Variants in CSPG4 observed in about 807,000 individuals in gnomAD.
CSPG4 encodes the protein chondroitin sulfate proteoglycan 4.
A neutral mutation model predicts 139.3 loss-of-function variants in CSPG4; 74 were observed. The ratio of observed to expected loss-of-function variants is 0.53; its 90% CI spans 0.44 to 0.64. The LOEUF (loss-of-function observed/expected upper bound fraction) is 0.64, where lower values mean the gene tolerates loss of function less well. Among genes scored for constraint, CSPG4 ranks in the 30% least tolerant of loss-of-function variants. The pLI, the probability that CSPG4 is intolerant of heterozygous loss-of-function variation, is 0.00. For synonymous variants in CSPG4, 1,234 were observed against 1,394.2 expected, an observed-to-expected ratio of 0.89 and a Z score of 2.56; for missense variants, 2,565 against 3,148.3, an observed-to-expected ratio of 0.81 and a Z score of 4.43.
chr15:75,682,483 C>G (rs766171318), intron 7 of CSPG4, 24 bp from the exon 8 acceptor site: 14 of 1,570,560 alleles, frequency 8.9e-6, no homozygotes, highest in African/African-American at 1.3e-5. Flanking sequence ...AAGGGGATAT[C>G]AGATTTTGAC....
intron 8 of CSPG4, among the ~76,000 whole-genome samples, chr15:75,681,296 T>G (rs898074705): frequency 1.3e-5 from 2 of 152,172 alleles, no homozygotes; most frequent in Non-Finnish European, 2.9e-5. Flanking sequence ...CCTTTGCACT[T>G]GCTGAATACC....
At chr15:75,700,402 G>A (rs1402491127) in intron 1 of CSPG4, among the ~76,000 whole-genome samples, 3 of 152,200 alleles carry the variant, frequency 2.0e-5, no homozygotes, top group African/African-American at 7.2e-5. Context: ...GGACAGCGAG[G>A]AGGGGAGGGA....
In CSPG4 at chr15:75,675,561, A is replaced by T; in HGVS notation, c.6958T>A (p.Tyr2320Asn). The change falls in exon 10 of 10, where the codon TAC becomes AAC. Residue 2320 changes from tyrosine to asparagine, a missense_variant. By Grantham distance (143) the Tyr-to-Asn change is moderately radical. Coordinates refer to ENST00000308508, the MANE Select transcript of CSPG4 (RefSeq NM_001897.5). Reference sequence around the variant, plus strand: ...GCCCAGGCCAGGCCTCACACCCAGTACTGGCCATTCTTAAGGGCAGGGTTG... The same window carrying T: ...GCCCAGGCCAGGCCTCACACCCAGTTCTGGCCATTCTTAAGGGCAGGGTTG... ...TPNPALKNGQ[Y>N]WV 1 of 1,507,100 alleles carries T rather than the reference A, an allele frequency of 6.6e-7. No homozygotes were observed. Among genetic ancestry groups the T allele is most frequent in the Non-Finnish European group, 8.9e-7 (1 of 1,127,960 alleles). The allele number at this position is 1,507,100 out of a possible 1,614,324, so 93.4% of individuals were successfully genotyped here.
At position 75,690,674 on chromosome 15, in the gene CSPG4, C is replaced by G. The variant is rs373007177; in HGVS notation, c.391G>C (p.Ala131Pro). ...ATLSVDGFLN[A>P]SSAVPGAPLE... Reference sequence around the variant, plus strand: ...GGGGCTCCTGGGACTGCTGAGGAGGCGTTCAGAAACCCATCGACTGACAAC... The same window carrying G: ...GGGGCTCCTGGGACTGCTGAGGAGGGGTTCAGAAACCCATCGACTGACAAC... The change falls in exon 3 of 10, where the codon GCC becomes CCC. Residue 131 changes from alanine (A) to proline (P), a missense_variant. Around this residue, in one of 5 missense-constraint regions of CSPG4, gnomAD observed 132 missense variants for 132.3 expected, o/e 1.00. Coordinates refer to ENST00000308508, the MANE Select transcript of CSPG4 (RefSeq NM_001897.5). 6.2e-7 allele frequency: 1 copy of G among 1,612,686 alleles called. No individual in the cohort carries two copies. Among genetic ancestry groups the G allele is most frequent in the Non-Finnish European group, 8.5e-7 (1 of 1,180,022 alleles).
intron 1 of CSPG4, among the ~76,000 whole-genome samples, chr15:75,705,709 C>T (rs1271021995): frequency 3.9e-5 from 6 of 152,140 alleles, no homozygotes; most frequent in Non-Finnish European, 8.8e-5. Context: ...GCTCAGGACT[C>T]AGAGGAGGGA....
Position 75,696,159 on chromosome 15 carries a change from T to C in CSPG4, c.89-2926A>G, listed in dbSNP as rs1267385538. ...TTCAGGCCTCAGTGTCACCATTCTG[T>C]AAAATGGGCACAGTCCCTCCCACCC... is the stretch of plus-strand genomic sequence containing the variant. On this transcript the variant is annotated intron_variant, in intron 1 of 9. Coordinates refer to ENST00000308508, the MANE Select transcript of CSPG4 (RefSeq NM_001897.5). This position sits in a 1 kb window ranked among gnomAD's most constrained non-coding sequence, Gnocchi z 4.2. 5.3e-5 allele frequency among the ~76,000 whole-genome samples: 8 copies of C among 152,046 alleles called. No homozygotes were observed. Among genetic ancestry groups the C allele is most frequent in the African/African-American group, 1.9e-4 (8 of 41,392 alleles).
Position 75,674,404 on chromosome 15 carries a change from G to A in CSPG4, c.*1146C>T, listed in dbSNP as rs1369417165. The A allele has an allele frequency of 1.0e-5, 3 of 294,240 alleles. No individual in the cohort carries two copies. 18.2% of individuals were successfully genotyped at this position (294,240 alleles called of 1,614,324 possible). ...AGCCTTTCTCTACTGAACTGAAGGG[G>A]TTTGGTCCCATCACCCGAAGACTGG... On this transcript the variant is annotated 3_prime_UTR_variant, in exon 10 of 10. Transcript: ENST00000308508.
chr15:75,712,912 C>T (rs566829130), upstream of CSPG4: 3 of 578,416 alleles, frequency 5.2e-6, no homozygotes, highest in Non-Finnish European at 8.7e-6. Flanking sequence ...CCCGCGCGCC[C>T]GCTCGGGTTT....
intron 1 of CSPG4, among the ~76,000 whole-genome samples, chr15:75,709,822 C>G (rs1045709597): frequency 6.6e-6 from 1 of 152,112 alleles, no homozygotes; most frequent in Non-Finnish European, 1.5e-5. Context: ...AGGCGGGCAG[C>G]ACTAAAAGGC....
At position 75,693,126 on chromosome 15, in the gene CSPG4, G is replaced by A. The variant is rs1033337868; in HGVS notation, c.196C>T (p.Leu66=). The A allele has an allele frequency of 6.4e-7, 1 of 1,574,406 alleles. No individual in the cohort carries two copies. The highest frequency in any genetic ancestry group is 1.3e-5 in the African/African-American group (1 of 74,504). The change falls in exon 2 of 10, where the codon CTG becomes TTG. Residue 66 remains leucine, a synonymous_variant. Transcript: ENST00000308508. The stretch of plus-strand genomic sequence containing the variant: ...AGGTGGTCAGCTGGGCCTGCTGCCA[G>A]GAGAAGGAGGGCTTCGGGCTGGGAC... ...STSQPEALLL[L]AAGPADHLLL...
chr15:75,706,753 G>T (rs1566978380), intron 1 of CSPG4, among the ~76,000 whole-genome samples: 1 of 152,242 alleles, frequency 6.6e-6, no homozygotes, highest in East Asian at 1.9e-4. Flanking sequence ...TTATCTGATG[G>T]CCTAGTTCTA....
In CSPG4 at chr15:75,690,210, A is replaced by G. The variant is rs1177780720; in HGVS notation, c.855T>C (p.His285=). The G allele has an allele frequency of 1.2e-6, 2 of 1,613,352 alleles. No homozygotes were observed. Among genetic ancestry groups the G allele is most frequent in the East Asian group, 2.2e-5 (1 of 44,876 alleles). The change falls in exon 3 of 10, where the codon CAT becomes CAC. Residue 285 remains histidine (H), a synonymous_variant. Transcript: ENST00000308508. The stretch of plus-strand genomic sequence containing the variant: ...GAGCATTGATGTGGACACTGACCTC[A>G]TGGGGCTGCCCATCGGCCACAGGCA... ...NSVPVADGQP[H]EVSVHINAHR... is the part of the protein sequence containing the mutation.
intron 8 of CSPG4, among the ~76,000 whole-genome samples, 167 bp downstream of exon 8, chr15:75,682,126 T>A (rs1893981825): frequency 6.6e-6 from 1 of 152,246 alleles, no homozygotes; most frequent in African/African-American, 2.4e-5. Flanking sequence ...CCTGCCAGCC[T>A]GGCGGCTCCT....
At chr15:75,679,174 G>C in intron 8 of CSPG4, 1 of 184,730 alleles carries the variant, frequency 5.4e-6, no homozygotes. Flanking sequence ...TACCTCTGCC[G>C]ATATCTAATA....
In CSPG4 at chr15:75,690,377, G is replaced by T; in HGVS notation, c.688C>A (p.Leu230Ile). 6.2e-7 allele frequency: 1 copy of T among 1,611,196 alleles called. No homozygotes were observed. Among genetic ancestry groups the T allele is most frequent in the East Asian group, 2.2e-5 (1 of 44,856 alleles). ...TQDEGTLEFT[L>I]TTQSRQAPLA... ...GGTGCCTGCCGGCTCTGTGTGGTGA[G>T]TGTAAACTCTAGGGTTCCTTCGTCC... The change falls in exon 3 of 10, where the codon CTC (leucine) becomes ATC (isoleucine). Residue 230 changes from leucine to isoleucine, a missense_variant. Leu to Ile is a conservative substitution (Grantham distance 5). Around this residue, in one of 5 missense-constraint regions of CSPG4, gnomAD observed 40 missense variants for 89.0 expected, o/e 0.45. Coordinates refer to ENST00000308508, the MANE Select transcript of CSPG4 (RefSeq NM_001897.5).
chr15:75,712,927 C>T, upstream of CSPG4: 1 of 552,942 alleles, frequency 1.8e-6, no homozygotes, highest in Non-Finnish European at 3.1e-6. Flanking sequence ...GGGTTTCAGG[C>T]TTGGACTCCC....
In CSPG4 at chr15:75,689,740, C is replaced by G. The variant is rs751904285; in HGVS notation, c.1325G>C (p.Gly442Ala). ...LTISPLVVAEGGTAWLEWRHV... is the reference protein window; with the variant it reads ...LTISPLVVAEAGTAWLEWRHV... ...CCTCCACTCAAGCCAGGCTGTGCCCCCCTCGGCCACCACCAGTGGGCTGAT... is the reference window on the plus strand; with the variant it reads ...CCTCCACTCAAGCCAGGCTGTGCCCGCCTCGGCCACCACCAGTGGGCTGAT... The change falls in exon 3 of 10, where the codon GGG becomes GCG. Residue 442 changes from glycine to alanine, a missense_variant. Physicochemically the swap from Gly to Ala is moderately conservative, Grantham distance 60 (BLOSUM62 0). This residue lies in a region of CSPG4 where 2,316 missense variants were observed against 2,818.2 expected (regional missense o/e 0.82). Transcript: ENST00000308508. 6.2e-7 allele frequency: 1 copy of G among 1,612,780 alleles called. No individual in the cohort carries two copies. Among genetic ancestry groups the G allele is most frequent in the Non-Finnish European group, 8.5e-7 (1 of 1,179,778 alleles).
In CSPG4 at chr15:75,689,625, C is replaced by G. The variant is rs769621074; in HGVS notation, c.1440G>C (p.Glu480Asp). The G allele has an allele frequency of 6.2e-7, 1 of 1,612,884 alleles. No homozygotes were observed. The highest frequency in any genetic ancestry group is 8.5e-7 in the Non-Finnish European group (1 of 1,179,864). ...FSVTRGARHG[E>D]LELDIPGAQA... is the part of the protein sequence containing the mutation. ...GGGCTCCCGGGATGTCCAGCTCGAG[C>G]TCGCCATGGCGTGCCCCTCGGGTCA... Residue 480 changes from glutamate to aspartate, a missense_variant, in exon 3 of 10, where the codon GAG becomes GAC. By Grantham distance (45) the Glu-to-Asp change is conservative. Transcript: ENST00000308508.
rs1894462879 is a variant in CSPG4 at position 75,712,701 on chromosome 15, T to A, written c.55A>T (p.Thr19Ser). 6.4e-7 allele frequency: 1 copy of A among 1,565,328 alleles called. No homozygotes were observed. The highest frequency in any genetic ancestry group is 1.3e-5 in the African/African-American group (1 of 74,118). Residue 19 changes from threonine to serine, a missense_variant, in exon 1 of 10, where the codon ACC becomes TCC. This residue lies in a region of CSPG4 where 47 missense variants were observed against 48.7 expected (regional missense o/e 0.97). Coordinates refer to ENST00000308508, the MANE Select transcript of CSPG4 (RefSeq NM_001897.5). ...GCAAGTCTGGCCAACATAGTCAGGG[T>A]CAAAGCCAAGGCCAGGCCGGGGGCT... The part of the protein sequence containing the change: ...LPAPGLALAL[T>S]LTMLARLASA...
Sources: allele counts gnomAD v4.1 joint callset (sites outside exome capture counted in the v4.1 genomes callset), GRCh38; gene constraint gnomAD v4.1.1; regional missense constraint gnomAD v4.1.1; non-coding constraint Gnocchi (gnomAD v3.1); transcripts MANE v1.5; gene names NCBI Gene and HGNC (gene_info 2026-07-23, HGNC 2026-07-21).